The following CHST9 variants were observed in gnomAD, a reference collection of about 807,000 sequenced individuals.
The protein encoded by CHST9 is GalNAc-4-sulfotransferase 2.
A neutral mutation model predicts 44.4 loss-of-function variants in CHST9; 41 were observed. The ratio of observed to expected loss-of-function variants is 0.92; its 90% confidence interval spans 0.72 to 1.20. The LOEUF (loss-of-function observed/expected upper bound fraction) is 1.20, where lower values mean the gene tolerates loss of function less well. Ranked by LOEUF, CHST9 falls within the 50% of genes most tolerant of loss-of-function variation. The pLI is 0.00. For synonymous variants in CHST9, 171 were observed against 178.4 expected (o/e 0.96, Z 0.33); for missense variants, 504 against 516.5 (o/e 0.98, Z 0.23).
intron 2 of CHST9, among the ~76,000 whole-genome samples, chr18:27,081,455 T>C (rs1380688502): frequency 6.6e-6 from 1 of 152,144 alleles, no homozygotes; most frequent in African/African-American, 2.4e-5. Flanking sequence ...GGAAAAGTGC[T>C]CCCCTCTCTG....
intron 4 of CHST9, among the ~76,000 whole-genome samples, chr18:27,002,290 T>G (rs1013112678): frequency 6.6e-6 from 1 of 152,138 alleles, no homozygotes; most frequent in African/African-American, 2.4e-5. Flanking sequence ...ATTTCCTTTA[T>G]TGCATTATGT....
At chr18:27,111,102 G>C (rs1372592766) in intron 2 of CHST9, among the ~76,000 whole-genome samples, 1 of 152,190 alleles carries the variant, frequency 6.6e-6, no homozygotes, top group African/African-American at 2.4e-5. Flanking sequence ...AAAGAACAGG[G>C]CTCCCTGATG....
intron 1 of CHST9, among the ~76,000 whole-genome samples, chr18:27,174,041 T>C (rs1480894562): frequency 6.6e-6 from 1 of 151,974 alleles, no homozygotes; most frequent in African/African-American, 2.4e-5. Flanking sequence ...TAAAGACACA[T>C]CCTTCTATAT....
intron 2 of CHST9, among the ~76,000 whole-genome samples, chr18:27,056,147 A>C (rs145941914): frequency 0.014 from 2,146 of 152,250 alleles, 34 homozygotes; most frequent in South Asian, 0.034. Flanking sequence ...TCTAACCACA[A>C]TGTTTCAGGA....
rs192612507 is a variant in CHST9 at position 27,006,440 on chromosome 18, T to A, written c.202+17676A>T. Among the ~76,000 whole-genome samples, 105 of 152,324 alleles carry A rather than the reference T, an allele frequency of 6.9e-4. 2 individuals are homozygous for A. Among genetic ancestry groups the A allele is most frequent in the African/African-American group, 2.4e-3 (100 of 41,574 alleles). On this transcript the variant is annotated intron_variant, in intron 4 of 5. Coordinates refer to ENST00000618847, the MANE Select transcript of CHST9 (RefSeq NM_031422.6). ...CAATGTGTGGGTCATGAACTGAATCTATAATAGTTTTCCCTGCCATATAAA... is the reference window on the plus strand; with the variant it reads ...CAATGTGTGGGTCATGAACTGAATCAATAATAGTTTTCCCTGCCATATAAA...
intron 5 of CHST9, among the ~76,000 whole-genome samples, chr18:26,938,421 C>A (rs1336277498): frequency 6.6e-6 from 1 of 152,158 alleles, no homozygotes; most frequent in Admixed American, 6.5e-5. Flanking sequence ...TCTCTCAATT[C>A]TGAAGGTAAT....
chr18:26,984,998 A>G (rs2056737709), intron 4 of CHST9, among the ~76,000 whole-genome samples: 1 of 152,206 alleles, frequency 6.6e-6, no homozygotes, highest in Admixed American at 6.5e-5. Flanking sequence ...TTCCACTTCT[A>G]GTTGTACACC....
intron 2 of CHST9, among the ~76,000 whole-genome samples, chr18:27,080,928 A>G (rs945202029): frequency 1.6e-5 from 2 of 127,824 alleles, no homozygotes; most frequent in Non-Finnish European, 3.3e-5. Flanking sequence ...GCTCACTGAC[A>G]TGACCAAGAA....
Position 27,063,772 on chromosome 18 carries a change from A to C in CHST9, c.122-15269T>G, listed in dbSNP as rs565031199. On this transcript the variant is annotated intron_variant, in intron 2 of 5. Coordinates refer to ENST00000618847, the MANE Select transcript of CHST9 (RefSeq NM_031422.6). ...ACTATTTGCTATAGATTTTTTTTCA[A>C]AAAAGTTATGAGATTATTTGCATAT... Among the ~76,000 whole-genome samples the C allele has an allele frequency of 6.1e-3, 931 of 152,260 alleles. 19 individuals are homozygous for C. The highest frequency in any genetic ancestry group is 0.021 in the African/African-American group (877 of 41,548).
intron 2 of CHST9, among the ~76,000 whole-genome samples, chr18:27,100,070 C>A (rs1040143264): frequency 6.6e-6 from 1 of 151,704 alleles, no homozygotes; most frequent in Non-Finnish European, 1.5e-5. Context: ...TGGAGTACTA[C>A]AAAGGCATAA....
At chr18:27,183,376 T>C (rs2058929053) in intron 1 of CHST9, among the ~76,000 whole-genome samples, 1 of 151,632 alleles carries the variant, frequency 6.6e-6, no homozygotes, top group African/African-American at 2.4e-5. Context: ...TGTAAGTGAG[T>C]GGGAGAGAAC....
intron 2 of CHST9, among the ~76,000 whole-genome samples, chr18:27,138,048 C>A (rs2058531658): frequency 6.6e-6 from 1 of 152,136 alleles, no homozygotes. Context: ...ATCTGGTCAG[C>A]AATTCTATCC....
At chr18:26,923,879 G>T (rs1457855168) in intron 5 of CHST9, among the ~76,000 whole-genome samples, 1 of 152,166 alleles carries the variant, frequency 6.6e-6, no homozygotes, top group East Asian at 1.9e-4. Context: ...TGATGCCTGA[G>T]ATGAGCCTGG....
Position 27,142,824 on chromosome 18 carries a change from G to T in CHST9, c.-15C>A. The T allele has an allele frequency of 6.3e-7, 1 of 1,594,278 alleles. No homozygotes were observed. Among genetic ancestry groups the T allele is most frequent in the South Asian group, 1.2e-5 (1 of 85,590 alleles). Reference sequence around the variant, plus strand: ...GATGGCTGCATTTCTCCTTATTTCAGAATCTGAAGACCACATGATTTGTTT... The same window carrying T: ...GATGGCTGCATTTCTCCTTATTTCATAATCTGAAGACCACATGATTTGTTT... On this transcript the variant is annotated 5_prime_UTR_variant, in exon 2 of 6. It adds an upstream start codon to the 5' untranslated region. Coordinates refer to ENST00000618847, the MANE Select transcript of CHST9 (RefSeq NM_031422.6).
At chr18:27,151,462 A>G (rs1037419648) in intron 1 of CHST9, among the ~76,000 whole-genome samples, 4 of 152,180 alleles carry the variant, frequency 2.6e-5, no homozygotes, top group Non-Finnish European at 5.9e-5. Context: ...GTCTCCCAAA[A>G]GGTCCACCCC....
chr18:26,924,255 G>T (rs912118952), intron 5 of CHST9, among the ~76,000 whole-genome samples: 4 of 152,144 alleles, frequency 2.6e-5, no homozygotes, highest in African/African-American at 9.7e-5. Flanking sequence ...TTAGGAAACT[G>T]CTCAGATTCG....
intron 3 of CHST9, among the ~76,000 whole-genome samples, chr18:27,048,153 A>G (rs1256597745): frequency 6.6e-6 from 1 of 152,212 alleles, no homozygotes. Context: ...GTTGTCAACT[A>G]TCACATCACA....
intron 1 of CHST9, among the ~76,000 whole-genome samples, chr18:27,146,205 C>T (rs2058611023): frequency 6.6e-6 from 1 of 152,172 alleles, no homozygotes; most frequent in Non-Finnish European, 1.5e-5. Context: ...CCCTTCCTTT[C>T]TTCAGGAGAT....
chr18:27,130,494 A>G (rs2058462387), intron 2 of CHST9, among the ~76,000 whole-genome samples: 1 of 152,220 alleles, frequency 6.6e-6, no homozygotes, highest in African/African-American at 2.4e-5. Context: ...GAACACTTCT[A>G]CTGTTTTAAG....
Sources: allele counts gnomAD v4.1 joint callset (sites outside exome capture counted in the v4.1 genomes callset), GRCh38; gene constraint gnomAD v4.1.1; transcripts MANE v1.5; gene names NCBI Gene and HGNC (gene_info 2026-07-23, HGNC 2026-07-21).